The following EYA1 variants were observed in gnomAD, a reference collection of about 807,000 sequenced individuals.
EYA1 encodes protein phosphatase EYA1.
In EYA1, 16 loss-of-function variants were observed where a neutral mutation model predicts 82.0. That is an observed-to-expected ratio of 0.20 (90% confidence interval 0.13 to 0.30). The LOEUF is 0.30. Ranked by LOEUF, EYA1 falls within the 10% of genes least tolerant of loss-of-function variation. The probability of loss-of-function intolerance (pLI) is 1.00; values close to 1 mark genes in which losing one functional copy is unlikely to be tolerated. For synonymous variants in EYA1, 261 were observed against 264.4 expected (o/e 0.99, Z 0.12); for missense variants, 633 against 730.7 (o/e 0.87, Z 1.54).
intron 2 of EYA1, chr8:71,531,282 A>G (rs1268531464): frequency 6.6e-6 from 1 of 152,224 alleles, no homozygotes; most frequent in Non-Finnish European, 1.5e-5. Flanking sequence ...GTGATTTTAA[A>G]TCAGAGAAGG....
intron 2 of EYA1, among the ~76,000 whole-genome samples, chr8:71,377,003 T>A (rs919266727): frequency 6.6e-6 from 1 of 152,164 alleles, no homozygotes; most frequent in Non-Finnish European, 1.5e-5. Flanking sequence ...AACATCCTTA[T>A]CTCTCTTGTC....
intron 3 of EYA1, among the ~76,000 whole-genome samples, chr8:71,344,733 G>A (rs913721000): frequency 6.6e-6 from 1 of 152,228 alleles, no homozygotes; most frequent in Non-Finnish European, 1.5e-5. Context: ...CTGAATAAAA[G>A]TATATCAGTG....
chr8:71,215,439 A>G lies in EYA1; in HGVS notation c.1545T>C (p.Tyr515=). ...CTATTGGAAATACAATTCCTAACCC[A>G]TACAGCAGGACTTTCGCCAATGCTG... The part of the protein sequence containing the change: ...LIPALAKVLL[Y]GLGIVFPIEN... The change falls in exon 16 of 18, where the codon TAT becomes TAC. Residue 515 remains tyrosine, a synonymous_variant. Transcript: ENST00000340726. The G allele has an allele frequency of 1.2e-6, 2 of 1,612,738 alleles. No homozygotes were observed. The highest frequency in any genetic ancestry group is 2.7e-5 in the African/African-American group (2 of 75,036).
At chr8:71,223,909 C>G (rs1810255945) in intron 12 of EYA1, among the ~76,000 whole-genome samples, 1 of 152,190 alleles carries the variant, frequency 6.6e-6, no homozygotes, top group Non-Finnish European at 1.5e-5. Flanking sequence ...CCCCCCAAGC[C>G]TTTCACTTGT....
rs548418735 is a variant in EYA1 at position 71,306,419 on chromosome 8, A to G, written c.557-6699T>C. On this transcript the variant is annotated intron_variant, in intron 7 of 17. Transcript: ENST00000340726. ...AAATCATCATTAGTATACTGGGACCAGTGAAATGTTACGATTCTGAATTGC... is the reference window on the plus strand; with the variant it reads ...AAATCATCATTAGTATACTGGGACCGGTGAAATGTTACGATTCTGAATTGC... 2.0e-4 allele frequency among the ~76,000 whole-genome samples: 30 copies of G among 152,240 alleles called. 1 individual carries two copies. The Middle Eastern group carries it at 0.014, about 69-fold the overall frequency.
chr8:71,534,289 C>A (rs1383418024), intron 2 of EYA1, among the ~76,000 whole-genome samples: 2 of 152,152 alleles, frequency 1.3e-5, no homozygotes, highest in Non-Finnish European at 2.9e-5. Context: ...ACAGACCCAA[C>A]ATAGGAGTTT....
In EYA1 at chr8:71,288,080, G is replaced by T. The variant is rs530598805; in HGVS notation, c.826+10967C>A. Among the ~76,000 whole-genome samples, 7 of 152,286 alleles carry T rather than the reference G, an allele frequency of 4.6e-5. No homozygotes were observed. In the South Asian group the frequency reaches 1.4e-3, roughly 32 times the overall value. On this transcript the variant is annotated intron_variant, in intron 9 of 17. Transcript: ENST00000340726. ...TTTTTCCTAATTGTATTCAAAGGGAGGGTGCTGGTCAAGAGACATTCATAG... is the reference window on the plus strand; with the variant it reads ...TTTTTCCTAATTGTATTCAAAGGGATGGTGCTGGTCAAGAGACATTCATAG...
At chr8:71,224,039 A>T (rs1271696216) in intron 12 of EYA1, among the ~76,000 whole-genome samples, 1 of 152,230 alleles carries the variant, frequency 6.6e-6, no homozygotes, top group Non-Finnish European at 1.5e-5. Context: ...AATAGCTAGG[A>T]CACTGATGCT....
intron 2 of EYA1, among the ~76,000 whole-genome samples, chr8:71,465,065 A>G (rs1808679279): frequency 6.6e-6 from 1 of 152,208 alleles, no homozygotes; most frequent in Admixed American, 6.5e-5. Flanking sequence ...GAACAATTTC[A>G]TTTATTTTTC....
At chr8:71,401,193 C>T (rs1340990349) in intron 2 of EYA1, among the ~76,000 whole-genome samples, 1 of 152,108 alleles carries the variant, frequency 6.6e-6, no homozygotes, top group Non-Finnish European at 1.5e-5. Flanking sequence ...GGCTTCATAC[C>T]TAGGTGACAG....
chr8:71,299,538 T>C (rs1819966514), intron 8 of EYA1, 100 bp downstream of exon 8: 2 of 810,964 alleles, frequency 2.5e-6, no homozygotes, highest in South Asian at 2.8e-5. Flanking sequence ...ACTAAAAGCC[T>C]TAGGAAAGCT....
chr8:71,323,074 C>A (rs373676339), intron 4 of EYA1, among the ~76,000 whole-genome samples: 1 of 152,098 alleles, frequency 6.6e-6, no homozygotes, highest in African/African-American at 2.4e-5. Context: ...AAGCAAAAAC[C>A]TATGTTAACA....
chr8:71,528,401 T>C (rs1813982045), intron 2 of EYA1, among the ~76,000 whole-genome samples: 1 of 152,184 alleles, frequency 6.6e-6, no homozygotes, highest in African/African-American at 2.4e-5. Flanking sequence ...AATTTTCCTG[T>C]CAAGGTTTTA....
chr8:71,330,244 C>A (rs1478566342), intron 4 of EYA1, among the ~76,000 whole-genome samples: 1 of 152,176 alleles, frequency 6.6e-6, no homozygotes. Context: ...GCCACCTCAT[C>A]CACTTCAAAT....
At chr8:71,340,076 A>C (rs1824947806) in intron 3 of EYA1, among the ~76,000 whole-genome samples, 2 of 152,170 alleles carry the variant, frequency 1.3e-5, no homozygotes, top group Non-Finnish European at 1.5e-5. Context: ...TTGGACTTTC[A>C]GCCTCTACTC....
Position 71,321,722 on chromosome 8 carries a change from C to G in EYA1, c.418+12G>C. On this transcript the variant is annotated intron_variant, in intron 6 of 17. Transcript: ENST00000340726. ...TGCGATAACGCCACCACTACAGTTG[C>G]AGGTTACTCACCATATGAGGAAATG... 7 of 1,613,562 alleles carry G rather than the reference C, an allele frequency of 4.3e-6. No individual in the cohort carries two copies. The highest frequency in any genetic ancestry group is 5.9e-6 in the Non-Finnish European group (7 of 1,179,596).
intron 2 of EYA1, among the ~76,000 whole-genome samples, chr8:71,492,138 C>A (rs1320618448): frequency 6.6e-6 from 1 of 152,066 alleles, no homozygotes; most frequent in Non-Finnish European, 1.5e-5. Flanking sequence ...AAAATGTACT[C>A]CAAGATGGAG....
chr8:71,240,567 C>T (rs1174376278), intron 12 of EYA1, among the ~76,000 whole-genome samples: 1 of 152,164 alleles, frequency 6.6e-6, no homozygotes, highest in Non-Finnish European at 1.5e-5. Flanking sequence ...CCTTACTCTT[C>T]AGGGGTAACG....
At chr8:71,532,921 A>G (rs1237787681) in intron 2 of EYA1, among the ~76,000 whole-genome samples, 1 of 152,244 alleles carries the variant, frequency 6.6e-6, no homozygotes, top group African/African-American at 2.4e-5. Context: ...TATATCATGG[A>G]CACAATGGAT....
Sources: gnomAD v4.1 joint callset for allele counts (sites outside exome capture counted in the v4.1 genomes callset) on GRCh38, gnomAD v4.1.1 for gene constraint, MANE v1.5 for transcripts, NCBI Gene and HGNC (gene_info 2026-07-23, HGNC 2026-07-21) for gene names.